The following FPGS variants were observed in gnomAD, a reference collection of about 807,000 sequenced individuals.
The protein encoded by FPGS is folylpolyglutamate synthase.
In FPGS, 53 loss-of-function variants were observed where a neutral mutation model predicts 66.5. The observed-to-expected ratio is 0.80, with a 90% confidence interval of 0.64 to 1.00. The LOEUF is 1.00. Ranked by LOEUF, FPGS falls within the 50% of genes least tolerant of loss-of-function variation. The probability of loss-of-function intolerance (pLI) is 0.00; values close to 1 mark genes in which losing one functional copy is unlikely to be tolerated. For synonymous variants in FPGS, 348 were observed against 350.9 expected (o/e 0.99, Z 0.09); for missense variants, 702 against 807.7 (o/e 0.87, Z 1.59).
At position 127,808,287 on chromosome 9, in the gene FPGS, G is replaced by T. The variant is rs959361425; in HGVS notation, c.798G>T (p.Leu266=). ...AACCTGAAGGTCCCCTGGCAGTGCT[G>T]AGGGACCGAGCCCAGCAGATCTCAG... ...VLQPEGPLAV[L]RDRAQQISCP... is the part of the protein sequence containing the mutation. The change falls in exon 9 of 15, where the codon CTG becomes CTT. Residue 266 remains leucine (L), a synonymous_variant. Coordinates refer to ENST00000373247, the MANE Select transcript of FPGS (RefSeq NM_004957.6). 1.4e-5 allele frequency: 22 copies of T among 1,613,966 alleles called. No homozygotes were observed. The highest frequency in any genetic ancestry group is 1.7e-5 in the Non-Finnish European group (20 of 1,179,956).
intron 1 of FPGS, 42 bp from the exon 2 acceptor site, chr9:127,804,243 T>G: frequency 6.2e-7 from 1 of 1,601,532 alleles, no homozygotes; most frequent in Non-Finnish European, 8.5e-7. Context: ...CTGTGGACCC[T>G]GAGTGAGCCT....
intron 1 of FPGS, chr9:127,803,335 A>G: frequency 1.7e-6 from 2 of 1,184,302 alleles, no homozygotes; most frequent in South Asian, 7.5e-5. Flanking sequence ...AGAAGCCCAG[A>G]GGCTCAGCGG....
chr9:127,813,940 C>G lies in FPGS; in HGVS notation c.*336C>G. 9.0e-7 allele frequency: 1 copy of G among 1,113,166 alleles called. No homozygotes were observed. Among genetic ancestry groups the G allele is most frequent in the Non-Finnish European group, 1.1e-6 (1 of 913,024 alleles). The allele number at this position is 1,113,166 out of a possible 1,614,324, so 69.0% of individuals were successfully genotyped here. A position where few individuals can be genotyped will look rare whatever the true frequency, so the allele number is the denominator to read the frequency against. ...CTGCCTGGCCAGGCCCTGGGTCTTG[C>G]CATGTGCTGGGTGGTAGATTTCCTC... On this transcript the variant is annotated 3_prime_UTR_variant, in exon 15 of 15. Coordinates refer to ENST00000373247, the MANE Select transcript of FPGS (RefSeq NM_004957.6).
In FPGS at chr9:127,807,169, C is replaced by T. The variant is rs962253023; in HGVS notation, c.502-40C>T. ...GCACCCCATCTCCCCAGAGAAGGGG[C>T]TGCATGGGCTCTGGGCCCTGACATG... is the stretch of plus-strand genomic sequence containing the variant. On this transcript the variant is annotated intron_variant, in intron 5 of 14. Coordinates refer to ENST00000373247, the MANE Select transcript of FPGS (RefSeq NM_004957.6). The surrounding 1 kb of genome is among the most constrained non-coding windows in gnomAD (Gnocchi z 5.8). 1 of 1,611,204 alleles carries T rather than the reference C, an allele frequency of 6.2e-7. No homozygotes were observed. The highest frequency in any genetic ancestry group is 8.5e-7 in the Non-Finnish European group (1 of 1,177,480).
chr9:127,810,948 T>G lies in FPGS; in HGVS notation c.1291T>G (p.Cys431Gly). The G allele has an allele frequency of 6.3e-7, 1 of 1,576,344 alleles. No homozygotes were observed. Among genetic ancestry groups the G allele is most frequent in the East Asian group, 2.3e-5 (1 of 43,642 alleles). ...AGTCTTTCCCTTGGCCTTCTAGCCC[T>G]GCCAGTTTGACTATGCCGTCTTCTG... ...PAALLKLLQPCQFDYAVFCPN... is the reference protein window; with the variant it reads ...PAALLKLLQPGQFDYAVFCPN... Residue 431 changes from cysteine (C) to glycine (G), a missense_variant, in exon 14 of 15, where the codon TGC (cysteine) becomes GGC (glycine). Physicochemically the swap from Cys to Gly is radical, Grantham distance 159. Transcript: ENST00000373247.
In FPGS at chr9:127,808,323, T is replaced by C. The variant is rs902528643; in HGVS notation, c.822+12T>C. 2.5e-6 allele frequency: 4 copies of C among 1,610,872 alleles called. No homozygotes were observed. Among genetic ancestry groups the C allele is most frequent in the Middle Eastern group, 3.3e-4 (2 of 6,060 alleles). ...CCCAGCAGATCTCAGTAAGTCTGATTGGAATGGGGCAGCGGCAGGGTGGGT... is the reference window on the plus strand; with the variant it reads ...CCCAGCAGATCTCAGTAAGTCTGATCGGAATGGGGCAGCGGCAGGGTGGGT... On this transcript the variant is annotated intron_variant, in intron 9 of 14. Transcript: ENST00000373247.
In FPGS at chr9:127,807,737, C is replaced by A; in HGVS notation, c.744+49C>A. 8.1e-7 allele frequency: 1 copy of A among 1,230,068 alleles called. No individual in the cohort carries two copies. The highest frequency in any genetic ancestry group is 1.1e-6 in the Non-Finnish European group (1 of 874,392). 76.2% of individuals were successfully genotyped at this position (1,230,068 alleles called of 1,614,324 possible). ...GGAGAGACATGGAAGGCCTGGGAGT[C>A]TACGTTTTCATCCTGGCTTCACTGT... On this transcript the variant is annotated intron_variant, in intron 8 of 14. Transcript: ENST00000373247. The surrounding 1 kb of genome is among the most constrained non-coding windows in gnomAD (Gnocchi z 5.8).
chr9:127,810,718 C>T (rs1158807728), intron 13 of FPGS, among the ~76,000 whole-genome samples: 1 of 152,186 alleles, frequency 6.6e-6, no homozygotes, highest in African/African-American at 2.4e-5. Flanking sequence ...CCACTGTTCC[C>T]CTGTCTGTAC....
chr9:127,807,963 A>G lies in FPGS; in HGVS notation c.745-271A>G, dbSNP rs748324718. 13 of 561,750 alleles carry G rather than the reference A, an allele frequency of 2.3e-5. No homozygotes were observed. The highest frequency in any genetic ancestry group is 4.1e-5 in the Non-Finnish European group (13 of 318,600). 34.8% of individuals were successfully genotyped at this position (561,750 alleles called of 1,614,324 possible). ...TCTACTAAAAATACAAAAATTAGCC[A>G]GGTGTGGTGGTGTACGCCTGTAGTT... On this transcript the variant is annotated intron_variant, in intron 8 of 14. Transcript: ENST00000373247. The surrounding 1 kb of genome is among the most constrained non-coding windows in gnomAD (Gnocchi z 5.8).
At position 127,807,387 on chromosome 9, in the gene FPGS, C is replaced by T. The variant is rs1829857000; in HGVS notation, c.580-34C>T. On this transcript the variant is annotated intron_variant, in intron 6 of 14. Transcript: ENST00000373247. This position sits in a 1 kb window ranked among gnomAD's most constrained non-coding sequence, Gnocchi z 5.8. ...CTTCCATGCGGCCTCTGGGCACCCTCATATCCCCTGCCATGCCCTCTGGTC... is the reference window on the plus strand; with the variant it reads ...CTTCCATGCGGCCTCTGGGCACCCTTATATCCCCTGCCATGCCCTCTGGTC... 1 of 1,613,286 alleles carries T rather than the reference C, an allele frequency of 6.2e-7. No individual in the cohort carries two copies.
In FPGS at chr9:127,803,045, C is replaced by G. The variant is rs1829664761; in HGVS notation, c.121C>G (p.Pro41Ala). ...GAGCGCGTGGCCGGTGCCGCAGGAGCCGAGCATGGAGTACCAGGTATCAGG... is the reference window on the plus strand; with the variant it reads ...GAGCGCGTGGCCGGTGCCGCAGGAGGCGAGCATGGAGTACCAGGTATCAGG... ...GLSAWPVPQE[P>A]SMEYQDAVRM... The change falls in exon 1 of 15, where the codon CCG (proline) becomes GCG (alanine). Residue 41 changes from proline to alanine, a missense_variant. Around this residue, in one of 3 missense-constraint regions of FPGS, gnomAD observed 111 missense variants for 95.4 expected, o/e 1.16. Transcript: ENST00000373247. 1.4e-6 allele frequency: 2 copies of G among 1,435,002 alleles called. No individual in the cohort carries two copies. The highest frequency in any genetic ancestry group is 3.0e-5 in the African/African-American group (2 of 66,512). The allele number at this position is 1,435,002 out of a possible 1,614,324, so 88.9% of individuals were successfully genotyped here. A position where few individuals can be genotyped will look rare whatever the true frequency, so the allele number is the denominator to read the frequency against.
At position 127,802,967 on chromosome 9, in the gene FPGS, G is replaced by A. The variant is rs904215517; in HGVS notation, c.43G>A (p.Ala15Thr). Reference protein sequence around the residue: ...RSHLRAALFLAAASARGITTQ... With the variant: ...RSHLRAALFLTAASARGITTQ... Reference sequence around the variant, plus strand: ...CCACCTGCGCGCCGCTCTATTCCTGGCAGCGGCGTCTGCGCGCGGCATAAC... The same window carrying A: ...CCACCTGCGCGCCGCTCTATTCCTGACAGCGGCGTCTGCGCGCGGCATAAC... Residue 15 changes from alanine to threonine, a missense_variant, in exon 1 of 15, where the codon GCA (alanine) becomes ACA (threonine). Ala to Thr is a moderately conservative substitution (Grantham distance 58). Transcript: ENST00000373247. 2 of 1,455,306 alleles carry A rather than the reference G, an allele frequency of 1.4e-6. No individual in the cohort carries two copies. The highest frequency in any genetic ancestry group is 1.8e-6 in the Non-Finnish European group (2 of 1,112,874). The allele number at this position is 1,455,306 out of a possible 1,614,324, so 90.1% of individuals were successfully genotyped here.
In FPGS at chr9:127,804,694, T is replaced by A; in HGVS notation, c.380T>A (p.Phe127Tyr). Residue 127 changes from phenylalanine to tyrosine, a missense_variant, in exon 4 of 15, where the codon TTC (phenylalanine) becomes TAC (tyrosine). Transcript: ENST00000373247. Reference sequence around the variant, plus strand: ...CGAAGCTATGGCCTGAAGACGGGATTCTTTAGGTACTGGCTTGTGGGGGGA... The same window carrying A: ...CGAAGCTATGGCCTGAAGACGGGATACTTTAGGTACTGGCTTGTGGGGGGA... ...ILRSYGLKTG[F>Y]FSSPHLVQVR... 3.1e-6 allele frequency: 5 copies of A among 1,613,994 alleles called. No homozygotes were observed. The highest frequency in any genetic ancestry group is 4.2e-6 in the Non-Finnish European group (5 of 1,179,998).
At chr9:127,811,110 G>A (rs1830057023) in intron 14 of FPGS, 99 bp downstream of exon 14, 1 of 625,286 alleles carries the variant, frequency 1.6e-6, no homozygotes, top group African/African-American at 1.9e-5. Context: ...AAATAAATTT[G>A]TTTTACTGTG....
Position 127,806,956 on chromosome 9 carries a change from C to T in FPGS, c.387-17C>T. The stretch of plus-strand genomic sequence containing the variant: ...CGCTCGGGAAGGGAGTCCTGATGAC[C>T]CCAGCTGTCCCGGCAGCTCTCCCCA... On this transcript the variant is annotated splice_polypyrimidine_tract_variant and intron_variant, in intron 4 of 14. Coordinates refer to ENST00000373247, the MANE Select transcript of FPGS (RefSeq NM_004957.6). 1.3e-6 allele frequency: 2 copies of T among 1,598,604 alleles called. No individual in the cohort carries two copies. The highest frequency in any genetic ancestry group is 1.7e-6 in the Non-Finnish European group (2 of 1,166,406).
Position 127,807,620 on chromosome 9 carries a change from A to T in FPGS, c.676A>T (p.Ile226Phe). Reference protein sequence around the residue: ...PVVCGVSSLGIDHTSLLGDTV... With the variant: ...PVVCGVSSLGFDHTSLLGDTV... The stretch of plus-strand genomic sequence containing the variant: ...GGTGTGCGGAGTCTCCTCTCTTGGC[A>T]TCGACCACACCAGCCTCCTGGGGGA... The change falls in exon 8 of 15, where the codon ATC (isoleucine) becomes TTC (phenylalanine). Residue 226 changes from isoleucine (I) to phenylalanine (F), a missense_variant. Physicochemically the swap from Ile to Phe is conservative, Grantham distance 21. This residue lies in a region of FPGS where 240 missense variants were observed against 348.6 expected (regional missense o/e 0.69). Transcript: ENST00000373247. This position sits in a 1 kb window ranked among gnomAD's most constrained non-coding sequence, Gnocchi z 5.8. 1 of 1,611,650 alleles carries T rather than the reference A, an allele frequency of 6.2e-7. No homozygotes were observed. Among genetic ancestry groups the T allele is most frequent in the Non-Finnish European group, 8.5e-7 (1 of 1,179,274 alleles).
intron 14 of FPGS, among the ~76,000 whole-genome samples, chr9:127,811,859 C>T (rs1220156004): frequency 2.0e-5 from 3 of 151,918 alleles, no homozygotes; most frequent in Non-Finnish European, 2.9e-5. Context: ...AAGGGTAGGT[C>T]CTGTTTGGTG....
rs1459182352 is a variant in FPGS at position 127,813,408 on chromosome 9, C to G, written c.1568C>G (p.Ala523Gly). 3 of 1,609,916 alleles carry G rather than the reference C, an allele frequency of 1.9e-6. No homozygotes were observed. Among genetic ancestry groups the G allele is most frequent in the Non-Finnish European group, 2.5e-6 (3 of 1,177,726 alleles). ...SSLVFSCISH[A>G]LQWISQGRDP... is the part of the protein sequence containing the mutation. ...CTCGTCTTCAGCTGCATTTCACATG[C>G]CTTGCAATGGATCAGCCAAGGCCGA... is the stretch of plus-strand genomic sequence containing the variant. Residue 523 changes from alanine to glycine, a missense_variant, in exon 15 of 15, where the codon GCC becomes GGC. Transcript: ENST00000373247.
Position 127,807,265 on chromosome 9 carries a change from C to T in FPGS, c.558C>T (p.Phe186=). The T allele has an allele frequency of 1.2e-6, 2 of 1,614,180 alleles. No homozygotes were observed. Among genetic ancestry groups the T allele is most frequent in the Non-Finnish European group, 1.7e-6 (2 of 1,180,024 alleles). The change falls in exon 6 of 15, where the codon TTC becomes TTT. Residue 186 remains phenylalanine, a synonymous_variant. Transcript: ENST00000373247. This position sits in a 1 kb window ranked among gnomAD's most constrained non-coding sequence, Gnocchi z 5.8. ...TCCGCTTCCTGACACTCATGGCCTTCCACGTCTTCCTCCAAGAGAAGGTGT... is the reference window on the plus strand; with the variant it reads ...TCCGCTTCCTGACACTCATGGCCTTTCACGTCTTCCTCCAAGAGAAGGTGT... ...PYFRFLTLMA[F]HVFLQEKVDL... is the part of the protein sequence containing the mutation.
Sources: gnomAD v4.1 joint callset for allele counts (sites outside exome capture counted in the v4.1 genomes callset) on GRCh38, gnomAD v4.1.1 for gene constraint, gnomAD v4.1.1 regional missense constraint, Gnocchi (gnomAD v3.1) non-coding constraint, MANE v1.5 for transcripts, NCBI Gene and HGNC (gene_info 2026-07-23, HGNC 2026-07-21) for gene names.